PLK5: variants seen among roughly 807,000 people sequenced by gnomAD.
PLK5 encodes polo like kinase 5 (inactive).
Under a neutral mutation model 33.7 loss-of-function variants are expected in PLK5, and 28 were observed. The observed-to-expected ratio is 0.83, with a 90% confidence interval of 0.62 to 1.14. PLK5 has a LOEUF of 1.14. Among genes scored for constraint, PLK5 ranks in the 50% most tolerant of loss-of-function variants. The pLI is 0.00. For missense variants in PLK5, 492 were observed against 461.5 expected (o/e 1.07, Z -0.61); for synonymous variants, 225 against 202.2 (o/e 1.11, Z -0.96).
intron 9 of PLK5, 108 bp downstream of exon 9, chr19:1,529,082 C>G (rs556125448): frequency 2.1e-6 from 2 of 940,086 alleles, no homozygotes; most frequent in East Asian, 5.5e-5. Context: ...TCTGGGGTCT[C>G]CAAGCCCGGC....
chr19:1,528,151 G>A lies in PLK5; in HGVS notation c.201+17G>A, dbSNP rs977133832. 4.8e-6 allele frequency: 7 copies of A among 1,452,156 alleles called. No individual in the cohort carries two copies. The highest frequency in any genetic ancestry group is 1.7e-4 in the Middle Eastern group (1 of 5,742). The allele number at this position is 1,452,156 out of a possible 1,614,324, so 90.0% of individuals were successfully genotyped here. The stretch of plus-strand genomic sequence containing the variant: ...TTCACACAGGTGGGCGGCGGTCCTC[G>A]GCGTGGGGTCCCTGGCGTGGGGTCC... On this transcript the variant is annotated intron_variant, in intron 7 of 13. Transcript: ENST00000454744.
At chr19:1,533,707 T>A (rs1845758325) in intron 12 of PLK5, 1 of 598,742 alleles carries the variant, frequency 1.7e-6, no homozygotes, top group Admixed American at 2.9e-5. Context: ...AGGCCCTGTG[T>A]CCTGGCCCCA....
chr19:1,532,758 G>A (rs1377574699), intron 12 of PLK5, among the ~76,000 whole-genome samples: 10 of 151,866 alleles, frequency 6.6e-5, no homozygotes, highest in Non-Finnish European at 1.5e-4. Context: ...CTGACCTCAG[G>A]TGATCCACCC....
Position 1,527,007 on chromosome 19 carries a change from G to C in PLK5, c.2+9G>C. 1 of 1,531,298 alleles carries C rather than the reference G, an allele frequency of 6.5e-7. No individual in the cohort carries two copies. The highest frequency in any genetic ancestry group is 8.7e-7 in the Non-Finnish European group (1 of 1,145,048). The allele number at this position is 1,531,298 out of a possible 1,614,324, so 94.9% of individuals were successfully genotyped here. ...GCTCTGGGCTGCATCATGTGAGTGG[G>C]GTCCTGGAGAAGGTGGGCAGGGCCT... On this transcript the variant is annotated intron_variant, in intron 6 of 13. Transcript: ENST00000454744.
Position 1,531,747 on chromosome 19 carries a change from A to AC in PLK5, c.583dup (p.Leu195ProfsTer68), listed in dbSNP as rs1489431144. ...CTTTGTTTGTGCCCAGCCACACAGG[A>AC]CCCCCTGGGAGAGCAGCAGCCCATC... is the stretch of plus-strand genomic sequence containing the variant. On this transcript the variant is annotated frameshift_variant, in exon 12 of 14. Coordinates refer to ENST00000454744, the MANE Select transcript of PLK5 (RefSeq NM_001243079.2). LOFTEE classifies it high-confidence loss of function. The AC allele has an allele frequency of 6.5e-7, 1 of 1,536,240 alleles. No homozygotes were observed. Among genetic ancestry groups the AC allele is most frequent in the Non-Finnish European group, 8.7e-7 (1 of 1,147,032 alleles).
chr19:1,528,265 AC>A (rs1459934137), intron 7 of PLK5, 36 bp from the exon 8 acceptor site: 9 of 1,535,730 alleles, frequency 5.9e-6, no homozygotes, highest in Middle Eastern at 3.3e-4. Flanking sequence ...GGGCTGGGTG[AC>A]CTAAGCCGGG....
chr19:1,535,336 C>G lies in PLK5; in HGVS notation c.*86C>G. On this transcript the variant is annotated 3_prime_UTR_variant, in exon 14 of 14. Coordinates refer to ENST00000454744, the MANE Select transcript of PLK5 (RefSeq NM_001243079.2). ...CATTCCTGTGGCTCCCCCAGAGGGGCTGTCCTGGGGGAGGGCTGGGGGGCA... is the reference window on the plus strand; with the variant it reads ...CATTCCTGTGGCTCCCCCAGAGGGGGTGTCCTGGGGGAGGGCTGGGGGGCA... 3 of 1,422,470 alleles carry G rather than the reference C, an allele frequency of 2.1e-6. No individual in the cohort carries two copies. Among genetic ancestry groups the G allele is most frequent in the Non-Finnish European group, 2.8e-6 (3 of 1,067,302 alleles). 88.1% of individuals were successfully genotyped at this position (1,422,470 alleles called of 1,614,324 possible).
In PLK5 at chr19:1,535,137, G is replaced by T; in HGVS notation, c.898G>T (p.Glu300Ter). The change falls in exon 14 of 14, where the codon GAG becomes TAG. Residue 300 changes from glutamate (E) to a stop codon, truncating the protein, a stop_gained. Coordinates refer to ENST00000454744, the MANE Select transcript of PLK5 (RefSeq NM_001243079.2). LOFTEE classifies it low-confidence loss of function (END_TRUNC). ...TGAGGGTTTGCAGCTCACCCTCTGGGAGCAGGGGTCCCCTGGCACCTCCTA... is the reference window on the plus strand; with the variant it reads ...TGAGGGTTTGCAGCTCACCCTCTGGTAGCAGGGGTCCCCTGGCACCTCCTA... ...EGEGLQLTLW[E>*]QGSPGTSYSL... 6.5e-7 allele frequency: 1 copy of T among 1,535,866 alleles called. No homozygotes were observed. The highest frequency in any genetic ancestry group is 8.7e-7 in the Non-Finnish European group (1 of 1,146,760).
At chr19:1,527,056 G>GT in intron 6 of PLK5, 58 bp downstream of exon 6, 1 of 1,177,028 alleles carries the variant, frequency 8.5e-7, no homozygotes. Flanking sequence ...GTGTGGCGGG[G>GT]GGGGAGCCTG....
At chr19:1,534,965 G>A in intron 13 of PLK5, 100 bp from the exon 14 acceptor site, 2 of 1,150,524 alleles carry the variant, frequency 1.7e-6, no homozygotes, top group Non-Finnish European at 2.4e-6. Flanking sequence ...CCAGACTGGG[G>A]GCTCTGGGTC....
intron 10 of PLK5, 24 bp from the exon 11 acceptor site, chr19:1,529,723 C>G: frequency 6.5e-7 from 1 of 1,535,352 alleles, no homozygotes; most frequent in Non-Finnish European, 8.7e-7. Flanking sequence ...GACCTGTCTG[C>G]GGCACAAAGA....
chr19:1,528,041 C>T lies in PLK5; in HGVS notation c.108C>T (p.Ala36=). The T allele has an allele frequency of 6.5e-7, 1 of 1,536,148 alleles. No homozygotes were observed. Among genetic ancestry groups the T allele is most frequent in the South Asian group, 1.2e-5 (1 of 84,068 alleles). The change falls in exon 7 of 14, where the codon GCC becomes GCT. Residue 36 remains alanine (A), a synonymous_variant. Coordinates refer to ENST00000454744, the MANE Select transcript of PLK5 (RefSeq NM_001243079.2). ...GHYPEPAHLS[A]NARRLIVHLL... is the part of the protein sequence containing the mutation. The stretch of plus-strand genomic sequence containing the variant: ...ACCCCGAACCCGCTCACCTGTCTGC[C>T]AATGCGCGCCGCCTCATCGTGCACC...
chr19:1,535,718 A>G lies in PLK5; in HGVS notation c.*468A>G, dbSNP rs1180800359. On this transcript the variant is annotated 3_prime_UTR_variant, in exon 14 of 14. Transcript: ENST00000454744. ...GGCAACATGGCAAGACCCCATCTCT[A>G]CAAAAAATTAGCTGGGCATGGTGGC... 1 of 173,702 alleles carries G rather than the reference A, an allele frequency of 5.8e-6. No individual in the cohort carries two copies. Among genetic ancestry groups the G allele is most frequent in the Non-Finnish European group, 1.2e-5 (1 of 82,768 alleles). 10.8% of individuals were successfully genotyped at this position (173,702 alleles called of 1,614,324 possible).
intron 11 of PLK5, 37 bp downstream of exon 11, chr19:1,529,861 C>A (rs1246216881): frequency 1.3e-6 from 2 of 1,519,606 alleles, no homozygotes; most frequent in African/African-American, 2.8e-5. Flanking sequence ...CACCTTTACT[C>A]TTACTAGCCA....
At position 1,535,233 on chromosome 19, in the gene PLK5, A is replaced by G. The variant is rs78948127; in HGVS notation, c.994A>G (p.Met332Val). Residue 332 changes from methionine (M) to valine (V), a missense_variant, in exon 14 of 14, where the codon ATG becomes GTG. Coordinates refer to ENST00000454744, the MANE Select transcript of PLK5 (RefSeq NM_001243079.2). ...ACAGCACCTTCACCACGCCCTCCGC[A>G]TGCTGCAGAGTATCTAGTGCCCCTG... ...TGQHLHHALRMLQSI is the reference protein window; with the variant it reads ...TGQHLHHALRVLQSI The G allele has an allele frequency of 2.2e-3, 3,426 of 1,535,840 alleles. 73 individuals are homozygous for G. In the African/African-American group the frequency reaches 0.043, roughly 19 times the overall value.
chr19:1,529,269 G>A (rs1913852412), intron 9 of PLK5, 137 bp from the exon 10 acceptor site: 2 of 758,362 alleles, frequency 2.6e-6, no homozygotes, highest in Non-Finnish European at 2.1e-6. Flanking sequence ...CTCCGAGGCT[G>A]CCTCCCAAGG....
chr19:1,524,240 C>G lies in PLK5; in HGVS notation c.-550C>G, dbSNP rs867964203. On this transcript the variant is annotated 5_prime_UTR_variant, in exon 1 of 14. In the 5' UTR this introduces an upstream ATG that the reference lacks. Coordinates refer to ENST00000454744, the MANE Select transcript of PLK5 (RefSeq NM_001243079.2). This position sits in a 1 kb window ranked among gnomAD's most constrained non-coding sequence, Gnocchi z 4.5. ...GCGTGTACAGGCGCGGGAAGCTGAT[C>G]GGCAAGGTGGGAGGCCCGCGCCCCG... is the stretch of plus-strand genomic sequence containing the variant. The G allele has an allele frequency of 1.3e-5, 2 of 150,558 alleles. No individual in the cohort carries two copies. The highest frequency in any genetic ancestry group is 2.1e-4 in the South Asian group (1 of 4,828). The allele number at this position is 150,558 out of a possible 1,614,324, so 9.3% of individuals were successfully genotyped here.
At position 1,535,235 on chromosome 19, in the gene PLK5, G is replaced by T. The variant is rs1914063972; in HGVS notation, c.996G>T (p.Met332Ile). ...AGCACCTTCACCACGCCCTCCGCATGCTGCAGAGTATCTAGTGCCCCTGAG... is the reference window on the plus strand; with the variant it reads ...AGCACCTTCACCACGCCCTCCGCATTCTGCAGAGTATCTAGTGCCCCTGAG... Reference protein sequence around the residue: ...TGQHLHHALRMLQSI With the variant: ...TGQHLHHALRILQSI The change falls in exon 14 of 14, where the codon ATG (methionine) becomes ATT (isoleucine). Residue 332 changes from methionine to isoleucine, a missense_variant. Physicochemically the swap from Met to Ile is conservative, Grantham distance 10. Transcript: ENST00000454744. The T allele has an allele frequency of 6.5e-6, 10 of 1,535,816 alleles. No individual in the cohort carries two copies. The highest frequency in any genetic ancestry group is 8.7e-6 in the Non-Finnish European group (10 of 1,146,686).
At position 1,535,189 on chromosome 19, in the gene PLK5, G is replaced by T. The variant is rs1246040502; in HGVS notation, c.950G>T (p.Gly317Val). 1 of 1,517,758 alleles carries T rather than the reference G, an allele frequency of 6.6e-7. No individual in the cohort carries two copies. The highest frequency in any genetic ancestry group is 8.7e-7 in the Non-Finnish European group (1 of 1,144,290). The allele number at this position is 1,517,758 out of a possible 1,614,324, so 94.0% of individuals were successfully genotyped here. A position where few individuals can be genotyped will look rare whatever the true frequency, so the allele number is the denominator to read the frequency against. Residue 317 changes from glycine (G) to valine (V), a missense_variant, in exon 14 of 14, where the codon GGC (glycine) becomes GTC (valine). Transcript: ENST00000454744. The stretch of plus-strand genomic sequence containing the variant: ...TCCCTGGACGTCCCGCGGAGCCACG[G>T]CTGCGCCCCCACCACCGGACAGCAC... ...SYSLDVPRSH[G>V]CAPTTGQHLH...
Sources: allele counts gnomAD v4.1 joint callset (sites outside exome capture counted in the v4.1 genomes callset), GRCh38; gene constraint gnomAD v4.1.1; non-coding constraint Gnocchi (gnomAD v3.1); transcripts MANE v1.5; gene names NCBI Gene and HGNC (gene_info 2026-07-23, HGNC 2026-07-21).